AMBRA1: variants seen among roughly 807,000 people sequenced by gnomAD.
AMBRA1 encodes activating molecule in BECN1-regulated autophagy protein 1.
In AMBRA1, 47 loss-of-function variants were observed where a neutral mutation model predicts 125.4. The ratio of observed to expected loss-of-function variants is 0.37; its 90% CI spans 0.30 to 0.48. The LOEUF is 0.48. AMBRA1 is among the 20% of genes least tolerant of loss of function. The pLI is 0.99. For synonymous variants in AMBRA1, 626 were observed against 655.5 expected (o/e 0.95, Z 0.69); for missense variants, 1,331 against 1,693.4 (o/e 0.79, Z 3.76).
chr11:46,418,079 A>AGAGAATG lies in AMBRA1; in HGVS notation c.2977-34_2977-28dup, dbSNP rs546060049. The stretch of plus-strand genomic sequence containing the variant: ...TAGGTAGAGGAAAAGAGGGAAAAAA[A>AGAGAATG]GAGAATGGGAGGAGAAACAATTTGT... On this transcript the variant is annotated intron_variant, in intron 14 of 17. Transcript: ENST00000683756. The AGAGAATG allele has an allele frequency of 2.0e-6, 3 of 1,532,896 alleles. No homozygotes were observed. The African/African-American group carries it at 4.1e-5, about 21-fold the overall frequency. 95.0% of individuals were successfully genotyped at this position (1,532,896 alleles called of 1,614,324 possible).
At chr11:46,531,816 G>C (rs1485151847) in intron 7 of AMBRA1, among the ~76,000 whole-genome samples, 1 of 151,070 alleles carries the variant, frequency 6.6e-6, no homozygotes, top group African/African-American at 2.4e-5. Flanking sequence ...GAATACATTC[G>C]ATATCTAAAT....
At chr11:46,466,903 T>TTTTC (rs1261419718) in intron 11 of AMBRA1, among the ~76,000 whole-genome samples, 2 of 140,056 alleles carry the variant, frequency 1.4e-5, no homozygotes, top group African/African-American at 5.3e-5. Context: ...CTAATGTTTC[T>TTTTC]TTTTTTCTTT....
chr11:46,585,171 T>A (rs574034642), intron 1 of AMBRA1, among the ~76,000 whole-genome samples: 11 of 152,118 alleles, frequency 7.2e-5, no homozygotes, highest in Non-Finnish European at 1.3e-4. Flanking sequence ...TTAAGAGTCA[T>A]CACCACTCCC....
chr11:46,491,279 G>A (rs1342641831), intron 11 of AMBRA1: 2 of 152,256 alleles, frequency 1.3e-5, no homozygotes, highest in Non-Finnish European at 2.9e-5. Context: ...GATCGGGAAG[G>A]TGGTTTAGAG....
intron 16 of AMBRA1, 101 bp downstream of exon 16, chr11:46,410,175 G>A (rs969700277): frequency 1.4e-5 from 14 of 1,029,090 alleles, no homozygotes; most frequent in Non-Finnish European, 2.1e-5. Flanking sequence ...TGGTTGAGGA[G>A]GGACCCAGAG....
chr11:46,536,381 G>A (rs1408115715), intron 7 of AMBRA1, among the ~76,000 whole-genome samples: 1 of 152,140 alleles, frequency 6.6e-6, no homozygotes, highest in African/African-American at 2.4e-5. Flanking sequence ...TGATTACTTG[G>A]GACAGTCAGG....
At chr11:46,530,090 C>G (rs1199328913) in intron 7 of AMBRA1, among the ~76,000 whole-genome samples, 1 of 152,136 alleles carries the variant, frequency 6.6e-6, no homozygotes, top group Non-Finnish European at 1.5e-5. Context: ...CCAAAGCACC[C>G]TTTAGAGCAC....
intron 7 of AMBRA1, among the ~76,000 whole-genome samples, chr11:46,527,267 G>C (rs1341677075): frequency 6.6e-6 from 1 of 151,914 alleles, no homozygotes; most frequent in Non-Finnish European, 1.5e-5. Flanking sequence ...ATCACTGGAA[G>C]CCAGGAGTTC....
Position 46,542,053 on chromosome 11 carries a change from C to T in AMBRA1, c.1964G>A (p.Gly655Asp), listed in dbSNP as rs767315638. The T allele has an allele frequency of 1.5e-5, 24 of 1,613,928 alleles. No individual in the cohort carries two copies. The South Asian group carries it at 2.5e-4, about 17-fold the overall frequency. Reference protein sequence around the residue: ...TVGVAFNQETGHWERIYTQSS... With the variant: ...TVGVAFNQETDHWERIYTQSS... ...CTGGGTGTAAATTCTTTCCCAGTGG[C>T]CTGTCTCCTGGTTAAAGGCCACCCC... Residue 655 changes from glycine (G) to aspartate (D), a missense_variant, in exon 7 of 18, where the codon GGC becomes GAC. Transcript: ENST00000683756. The surrounding 1 kb of genome is among the most constrained non-coding windows in gnomAD (Gnocchi z 5.9).
intron 14 of AMBRA1, among the ~76,000 whole-genome samples, chr11:46,425,762 G>A (rs1947098928): frequency 1.4e-5 from 2 of 146,694 alleles, no homozygotes; most frequent in South Asian, 4.3e-4. Context: ...TCACTTGAAC[G>A]CAGAAGGCAG....
intron 1 of AMBRA1, among the ~76,000 whole-genome samples, chr11:46,584,450 C>T (rs948047857): frequency 8.7e-5 from 13 of 149,876 alleles, no homozygotes; most frequent in Admixed American, 8.6e-4. Flanking sequence ...GTGCAGCACA[C>T]CAGCATGGCA....
intron 7 of AMBRA1, among the ~76,000 whole-genome samples, chr11:46,533,588 T>C (rs1952319823): frequency 6.6e-6 from 1 of 152,162 alleles, no homozygotes; most frequent in Non-Finnish European, 1.5e-5. Context: ...GCCTCTCTTA[T>C]CTTGACAGAA....
intron 5 of AMBRA1, among the ~76,000 whole-genome samples, 160 bp downstream of exon 5, chr11:46,545,444 A>G (rs902625433): frequency 6.6e-6 from 1 of 152,116 alleles, no homozygotes; most frequent in African/African-American, 2.4e-5. Context: ...CCTGGGTGAC[A>G]GAGTGACACC....
intron 7 of AMBRA1, among the ~76,000 whole-genome samples, chr11:46,530,148 G>A (rs997971490): frequency 6.6e-6 from 1 of 152,208 alleles, no homozygotes; most frequent in Non-Finnish European, 1.5e-5. Context: ...GGGGAAGAAT[G>A]AGTACACGGG....
intron 8 of AMBRA1, 107 bp downstream of exon 8, chr11:46,512,619 TA>T: frequency 1.3e-6 from 1 of 798,276 alleles, no homozygotes. Flanking sequence ...AACTGAAGAA[TA>T]AAAGAGCACC....
chr11:46,442,302 T>C (rs1201156737), intron 12 of AMBRA1, among the ~76,000 whole-genome samples: 2 of 151,732 alleles, frequency 1.3e-5, no homozygotes, highest in East Asian at 1.9e-4. Flanking sequence ...ACCACCACAC[T>C]CAGCTAATTT....
chr11:46,471,486 G>A (rs893935140), intron 11 of AMBRA1, among the ~76,000 whole-genome samples: 5 of 151,704 alleles, frequency 3.3e-5, no homozygotes, highest in Admixed American at 1.3e-4. Flanking sequence ...GCTGAAGCAG[G>A]AGAATGGGGT....
intron 17 of AMBRA1, among the ~76,000 whole-genome samples, chr11:46,403,887 G>A (rs796869640): frequency 1.6e-4 from 25 of 152,194 alleles, no homozygotes; most frequent in African/African-American, 6.0e-4. Flanking sequence ...ACCACAAGCA[G>A]AGCAGGCTTC....
chr11:46,478,394 C>T (rs1221317209), intron 11 of AMBRA1, among the ~76,000 whole-genome samples: 3 of 152,146 alleles, frequency 2.0e-5, no homozygotes, highest in African/African-American at 7.2e-5. Flanking sequence ...TACTCCTACA[C>T]AGAAATACAT....
Sources: allele counts gnomAD v4.1 joint callset (sites outside exome capture counted in the v4.1 genomes callset), GRCh38; gene constraint gnomAD v4.1.1; non-coding constraint Gnocchi (gnomAD v3.1); transcripts MANE v1.5; gene names NCBI Gene and HGNC (gene_info 2026-07-23, HGNC 2026-07-21).